LETM1: variants seen among roughly 807,000 people sequenced by gnomAD.
The protein encoded by LETM1 is leucine zipper and EF-hand containing transmembrane protein 1.
LETM1 carries 50 observed loss-of-function variants against 74.5 expected under a neutral mutation model. That is an observed-to-expected ratio of 0.67 (90% CI 0.53 to 0.85). LETM1 has a LOEUF of 0.85. Ranked by LOEUF, LETM1 falls within the 40% of genes least tolerant of loss-of-function variation. LETM1 has a pLI of 0.00. For missense variants in LETM1, 824 were observed against 967.8 expected (o/e 0.85, Z 1.97); for synonymous variants, 446 against 407.1 (o/e 1.10, Z -1.15).
At chr4:1,827,025 C>T (rs1287089657) in intron 6 of LETM1, among the ~76,000 whole-genome samples, 2 of 152,208 alleles carry the variant, frequency 1.3e-5, no homozygotes, top group South Asian at 2.1e-4. Flanking sequence ...CCCTCAGCCC[C>T]GCTCACTGCA....
At chr4:1,826,397 T>G (rs1444029138) in intron 6 of LETM1, among the ~76,000 whole-genome samples, 2 of 152,194 alleles carry the variant, frequency 1.3e-5, no homozygotes, top group Non-Finnish European at 2.9e-5. Context: ...TTTTAACAAG[T>G]AACAAAGCTC....
At chr4:1,839,981 C>T (rs1437415177) in intron 3 of LETM1, among the ~76,000 whole-genome samples, 1 of 151,642 alleles carries the variant, frequency 6.6e-6, no homozygotes, top group Non-Finnish European at 1.5e-5. Flanking sequence ...TGAGCCGCTC[C>T]AGCAAATTAA....
At chr4:1,837,038 C>A (rs1238527276) in intron 3 of LETM1, among the ~76,000 whole-genome samples, 1 of 152,170 alleles carries the variant, frequency 6.6e-6, no homozygotes, top group East Asian at 1.9e-4. Flanking sequence ...TAGGAAAAAA[C>A]CCAAGTATTT....
intron 11 of LETM1, among the ~76,000 whole-genome samples, chr4:1,817,160 G>T (rs1032631081): frequency 1.3e-5 from 2 of 148,528 alleles, no homozygotes; most frequent in African/African-American, 5.0e-5. Flanking sequence ...CAGGAGAATC[G>T]CTTGAACCCA....
rs200474737 is a variant in LETM1 at position 1,823,580 on chromosome 4, C to G, written c.1332+64G>C. 668 of 1,597,632 alleles carry G rather than the reference C, an allele frequency of 4.2e-4. 1 individual carries two copies. The African/African-American group carries it at 7.4e-3, about 18-fold the overall frequency. The stretch of plus-strand genomic sequence containing the variant: ...ATGAGTGCGCTTGCACACCTCCCCC[C>G]ACCCCAGAAGAGCGGAGCCACCTAT... On this transcript the variant is annotated intron_variant, in intron 8 of 13. Coordinates refer to ENST00000302787, the MANE Select transcript of LETM1 (RefSeq NM_012318.3).
Position 1,823,126 on chromosome 4 carries a change from CT to C in LETM1, c.1337del (p.Lys446ArgfsTer5). 1 of 1,592,274 alleles carries C rather than the reference CT, an allele frequency of 6.3e-7. No individual in the cohort carries two copies. Among genetic ancestry groups the C allele is most frequent in the Non-Finnish European group, 8.6e-7 (1 of 1,167,782 alleles). On this transcript the variant is annotated frameshift_variant, in exon 9 of 14. Transcript: ENST00000302787. LOFTEE classifies it high-confidence loss of function. The stretch of plus-strand genomic sequence containing the variant: ...CCTCGGCCACTTTCACCTGTGCTTC[CT>C]TTGCCTTCAGAAGAGGGTACATCTG... ...TLQTLPEIVA[K>X]EAQVKVAEVE...
chr4:1,845,196 C>T (rs1282981458), intron 2 of LETM1, among the ~76,000 whole-genome samples: 1 of 152,016 alleles, frequency 6.6e-6, no homozygotes, highest in Non-Finnish European at 1.5e-5. Flanking sequence ...TCCCCCGCAC[C>T]CCCCGAAAAA....
intron 6 of LETM1, among the ~76,000 whole-genome samples, chr4:1,830,387 G>C (rs77511022): frequency 0.015 from 2,355 of 152,274 alleles, 36 homozygotes; most frequent in African/African-American, 0.04. Context: ...GCTGAGTGCA[G>C]TGACACAATC....
At chr4:1,855,838 C>T (rs1313733857) in intron 1 of LETM1, 31 bp downstream of exon 1, 3 of 1,198,554 alleles carry the variant, frequency 2.5e-6, no homozygotes, top group South Asian at 7.7e-5. Context: ...CAGCCGGGAG[C>T]CGGCCCCGCC....
At chr4:1,845,773 C>G (rs1712863191) in intron 2 of LETM1, among the ~76,000 whole-genome samples, 1 of 152,008 alleles carries the variant, frequency 6.6e-6, no homozygotes, top group Admixed American at 6.6e-5. Context: ...TCTTGAACTC[C>G]TAACCTCAAG....
intron 3 of LETM1, among the ~76,000 whole-genome samples, chr4:1,840,433 C>T (rs1236656937): frequency 6.6e-6 from 1 of 151,544 alleles, no homozygotes; most frequent in East Asian, 1.9e-4. Context: ...TTTGGGAGGC[C>T]GAGGTGGGCA....
intron 2 of LETM1, among the ~76,000 whole-genome samples, chr4:1,845,424 G>T (rs898892906): frequency 2.6e-5 from 4 of 152,060 alleles, no homozygotes; most frequent in Non-Finnish European, 5.9e-5. Flanking sequence ...TGGCCAATGT[G>T]GTGAAAACTT....
intron 6 of LETM1, among the ~76,000 whole-genome samples, chr4:1,829,584 G>A (rs1215341285): frequency 6.6e-6 from 1 of 152,254 alleles, no homozygotes; most frequent in African/African-American, 2.4e-5. Flanking sequence ...GGAGGCCAAG[G>A]TGGGAGAATC....
chr4:1,832,771 C>G lies in LETM1; in HGVS notation c.1053G>C (p.Arg351=), dbSNP rs1712321748. The part of the protein sequence containing the change: ...NNFLRFQLTM[R]LRSIKADDKL... ...TGTCGTCTGCCTTTATGGAGCGCAG[C>G]CGCATGGTAAGCTGGAAGCGCAGGA... Residue 351 remains arginine (R), a synonymous_variant, in exon 6 of 14, where the codon CGG becomes CGC. Transcript: ENST00000302787. 6.2e-7 allele frequency: 1 copy of G among 1,614,088 alleles called. No homozygotes were observed. Among genetic ancestry groups the G allele is most frequent in the Non-Finnish European group, 8.5e-7 (1 of 1,180,048 alleles).
intron 6 of LETM1, among the ~76,000 whole-genome samples, chr4:1,832,385 G>A (rs1405168327): frequency 6.6e-6 from 1 of 152,152 alleles, no homozygotes; most frequent in Non-Finnish European, 1.5e-5. Context: ...AGGCAAGCAC[G>A]TGCGATGGAC....
intron 6 of LETM1, among the ~76,000 whole-genome samples, chr4:1,829,991 G>C (rs991720432): frequency 1.3e-5 from 2 of 152,170 alleles, no homozygotes; most frequent in Non-Finnish European, 2.9e-5. Flanking sequence ...CCTACTCAGG[G>C]TTCACTCAGC....
Position 1,823,656 on chromosome 4 carries a change from G to T in LETM1, c.1320C>A (p.Leu440=). ...ADQLKSTLQT[L]PEIVAKEAQV... The stretch of plus-strand genomic sequence containing the variant: ...CGACAGCACGTACCACAATCTCTGG[G>T]AGGGTCTGCAGTGTGGACTTGAGCT... Residue 440 remains leucine (L), a synonymous_variant, in exon 8 of 14, where the codon CTC becomes CTA. Coordinates refer to ENST00000302787, the MANE Select transcript of LETM1 (RefSeq NM_012318.3). The T allele has an allele frequency of 6.2e-7, 1 of 1,613,904 alleles. No individual in the cohort carries two copies.
chr4:1,845,085 G>A (rs564677203), intron 2 of LETM1, among the ~76,000 whole-genome samples: 107 of 151,788 alleles, frequency 7.0e-4, no homozygotes, highest in African/African-American at 2.5e-3. Flanking sequence ...AGCTACTCGG[G>A]AGGCTGAGGC....
intron 10 of LETM1, 62 bp from the exon 11 acceptor site, chr4:1,819,534 AG>A: frequency 6.5e-7 from 1 of 1,549,664 alleles, no homozygotes; most frequent in Non-Finnish European, 8.8e-7. Flanking sequence ...CCTGTTCCCA[AG>A]TGACCAGCTG....
Sources: allele counts gnomAD v4.1 joint callset (sites outside exome capture counted in the v4.1 genomes callset), GRCh38; gene constraint gnomAD v4.1.1; transcripts MANE v1.5; gene names NCBI Gene and HGNC (gene_info 2026-07-23, HGNC 2026-07-21).